Variants in SLC38A6 observed in about 807,000 individuals in gnomAD.
The protein encoded by SLC38A6 is N system amino acid transporter NAT-1.
In SLC38A6, 73 loss-of-function variants were observed where a neutral mutation model predicts 65.0. The ratio of observed to expected loss-of-function variants is 1.12; its 90% CI spans 0.93 to 1.37. The LOEUF (loss-of-function observed/expected upper bound fraction) is 1.37, where lower values mean the gene tolerates loss of function less well. Ranked by LOEUF, SLC38A6 falls within the 40% of genes most tolerant of loss-of-function variation. The pLI is 0.00. For missense variants in SLC38A6, 561 were observed against 531.1 expected (o/e 1.06, Z -0.55); for synonymous variants, 183 against 178.8 (o/e 1.02, Z -0.19).
At chr14:61,075,839 T>A (rs1308671413) in intron 15 of SLC38A6, among the ~76,000 whole-genome samples, 1 of 138,700 alleles carries the variant, frequency 7.2e-6, no homozygotes, top group Non-Finnish European at 1.6e-5. Flanking sequence ...GTGTATGTAT[T>A]TGGGATCAGA....
chr14:60,983,220 G>T (rs78740462), intron 2 of SLC38A6, among the ~76,000 whole-genome samples: 2 of 152,162 alleles, frequency 1.3e-5, no homozygotes, highest in African/African-American at 2.4e-5. Context: ...GGAAATTAAT[G>T]TTCCCACTAA....
intron 3 of SLC38A6, among the ~76,000 whole-genome samples, chr14:60,995,409 A>G (rs1450974859): frequency 6.6e-6 from 1 of 152,228 alleles, no homozygotes; most frequent in East Asian, 1.9e-4. Flanking sequence ...TGTGGAATCT[A>G]AAAAAGTCAA....
At chr14:61,038,584 A>G (rs1445543404) in intron 8 of SLC38A6, among the ~76,000 whole-genome samples, 6 of 152,216 alleles carry the variant, frequency 3.9e-5, no homozygotes. Flanking sequence ...ACAGCACATC[A>G]GTAGTTAAGC....
chr14:61,079,531 A>G (rs745450214), intron 16 of SLC38A6, among the ~76,000 whole-genome samples: 1 of 151,918 alleles, frequency 6.6e-6, no homozygotes, highest in Non-Finnish European at 1.5e-5. Flanking sequence ...TCCACACTCA[A>G]CCTCCTCTAG....
At chr14:61,033,305 A>G (rs2041130136) in intron 6 of SLC38A6, among the ~76,000 whole-genome samples, 1 of 152,042 alleles carries the variant, frequency 6.6e-6, no homozygotes, top group South Asian at 2.1e-4. Context: ...AAACATCTGC[A>G]TGCCAAAGCA....
chr14:61,016,668 A>G (rs1476630638), intron 4 of SLC38A6, among the ~76,000 whole-genome samples: 1 of 152,208 alleles, frequency 6.6e-6, no homozygotes, highest in Admixed American at 6.5e-5. Flanking sequence ...TATAGTATAT[A>G]TATTTTTTAA....
chr14:61,083,356 T>G (rs2043731998), intron 16 of SLC38A6, among the ~76,000 whole-genome samples: 1 of 152,258 alleles, frequency 6.6e-6, no homozygotes, highest in South Asian at 2.1e-4. Context: ...CCTTCAGTCA[T>G]AGGGTGGTAG....
At chr14:61,018,841 T>G (rs141653079) in intron 4 of SLC38A6, among the ~76,000 whole-genome samples, 274 of 152,336 alleles carry the variant, frequency 1.8e-3, no homozygotes, top group African/African-American at 6.4e-3. Context: ...TTTCTGACTT[T>G]CTTTGAAAAA....
At chr14:61,048,696 TTAAAGGGACTTATAG>T (rs1324350219) in intron 12 of SLC38A6, among the ~76,000 whole-genome samples, 6 of 152,180 alleles carry the variant, frequency 3.9e-5, no homozygotes, top group Non-Finnish European at 7.4e-5. Context: ...ATTTGTCAGA[TTAAAGGGACTTATAG>T]GTATGTACCT....
At chr14:61,042,133 A>G (rs1276689397) in intron 8 of SLC38A6, among the ~76,000 whole-genome samples, 1 of 151,800 alleles carries the variant, frequency 6.6e-6, no homozygotes, top group East Asian at 1.9e-4. Flanking sequence ...TTCTACAGTA[A>G]TTTTTTTCTT....
At chr14:61,026,220 A>G (rs2040602850) in intron 5 of SLC38A6, among the ~76,000 whole-genome samples, 1 of 152,156 alleles carries the variant, frequency 6.6e-6, no homozygotes, top group African/African-American at 2.4e-5. Context: ...AAAATAACTC[A>G]TAAGAATACA....
At chr14:61,042,807 A>G (rs1199926417) in intron 8 of SLC38A6, among the ~76,000 whole-genome samples, 1 of 152,192 alleles carries the variant, frequency 6.6e-6, no homozygotes, top group African/African-American at 2.4e-5. Flanking sequence ...ACAAATAACC[A>G]TATTCCTGTG....
chr14:61,045,380 T>TTC lies in SLC38A6; in HGVS notation c.783_784dup (p.Cys262SerfsTer31), dbSNP rs1226692720. The TTC allele has an allele frequency of 2.5e-6, 4 of 1,613,802 alleles. No individual in the cohort carries two copies. Among genetic ancestry groups the TTC allele is most frequent in the Non-Finnish European group, 3.4e-6 (4 of 1,179,840 alleles). On this transcript the variant is annotated frameshift_variant, in exon 11 of 16. Transcript: ENST00000267488. LOFTEE classifies it high-confidence loss of function. ...GCCTTACCAACCATGGCTTTTTCAT[T>TTC]TCTCTGCCATACCTCAATATTGCCC...
intron 3 of SLC38A6, among the ~76,000 whole-genome samples, chr14:61,008,956 G>C (rs1275436352): frequency 1.3e-5 from 2 of 152,144 alleles, no homozygotes; most frequent in African/African-American, 2.4e-5. Flanking sequence ...GGATGTTCTT[G>C]AGTAATTGTT....
At chr14:61,067,493 G>T in intron 15 of SLC38A6, among the ~76,000 whole-genome samples, 1 of 151,974 alleles carries the variant, frequency 6.6e-6, no homozygotes, top group East Asian at 1.9e-4. Context: ...ATTTTTCCCC[G>T]GAAAAAGTAA....
rs761472783 is a variant in SLC38A6 at position 60,982,585 on chromosome 14, T to C, written c.183T>C (p.Ser61=). 3.7e-6 allele frequency: 6 copies of C among 1,614,050 alleles called. No individual in the cohort carries two copies. Among genetic ancestry groups the C allele is most frequent in the Non-Finnish European group, 5.1e-6 (6 of 1,179,990 alleles). The part of the protein sequence containing the change: ...VFNLMNAIMG[S]GILGLAYVLA... ...ATTTGATGAATGCCATCATGGGAAG[T>C]GGCATCCTTGGCTTAGCTTATGTTT... The change falls in exon 2 of 16, where the codon AGT becomes AGC. Residue 61 remains serine, a synonymous_variant. Coordinates refer to ENST00000267488, the MANE Select transcript of SLC38A6 (RefSeq NM_153811.3).
At chr14:61,022,115 A>G (rs1241316338) in intron 5 of SLC38A6, among the ~76,000 whole-genome samples, 1 of 151,992 alleles carries the variant, frequency 6.6e-6, no homozygotes, top group African/African-American at 2.4e-5. Flanking sequence ...TGGGAGGCAT[A>G]TTAATTATTT....
intron 3 of SLC38A6, among the ~76,000 whole-genome samples, chr14:60,990,633 C>A (rs955132039): frequency 3.3e-5 from 5 of 151,932 alleles, no homozygotes; most frequent in Admixed American, 2.0e-4. Context: ...CCCTTCACTT[C>A]AAAAAAAATT....
At chr14:61,077,321 T>C (rs1289727698) in intron 15 of SLC38A6, among the ~76,000 whole-genome samples, 1 of 152,186 alleles carries the variant, frequency 6.6e-6, no homozygotes, top group Non-Finnish European at 1.5e-5. Context: ...AGTTATCTTA[T>C]AGGTGGAAAG....
Sources: allele counts gnomAD v4.1 joint callset (sites outside exome capture counted in the v4.1 genomes callset), GRCh38; gene constraint gnomAD v4.1.1; transcripts MANE v1.5; gene names NCBI Gene and HGNC (gene_info 2026-07-23, HGNC 2026-07-21).